Variants in CSMD1 observed in about 807,000 individuals in gnomAD.
CSMD1 encodes CUB and Sushi multiple domains 1.
A neutral mutation model predicts 417.5 loss-of-function variants in CSMD1; 213 were observed. That is an observed-to-expected ratio of 0.51 (90% confidence interval 0.46 to 0.57). The LOEUF (loss-of-function observed/expected upper bound fraction) is 0.57, where lower values mean the gene tolerates loss of function less well. Ranked by LOEUF, CSMD1 falls within the 20% of genes least tolerant of loss-of-function variation. The pLI is 0.00. For missense variants in CSMD1, 6,923 were observed against 4,529.7 expected (o/e 1.53, Z -15.17); for synonymous variants, 2,862 against 1,736.8 (o/e 1.65, Z -16.11).
At chr8:4,330,986 C>T (rs1799838996) in intron 3 of CSMD1, among the ~76,000 whole-genome samples, 1 of 152,114 alleles carries the variant, frequency 6.6e-6, no homozygotes, top group South Asian at 2.1e-4. Context: ...TATACAGCCG[C>T]CTTTGTGTTA....
chr8:3,532,478 T>C (rs888696046), intron 10 of CSMD1, among the ~76,000 whole-genome samples: 1 of 152,134 alleles, frequency 6.6e-6, no homozygotes, highest in East Asian at 1.9e-4. Flanking sequence ...CCTTGCCTGG[T>C]TTTTACCTCT....
intron 3 of CSMD1, among the ~76,000 whole-genome samples, chr8:4,240,654 C>G (rs1181247404): frequency 1.3e-5 from 2 of 152,240 alleles, no homozygotes; most frequent in East Asian, 1.9e-4. Context: ...AACAAGTACT[C>G]CCCTTATACA....
At chr8:3,384,732 T>TATTATATAAATATATATTTATATAC (rs1563333090) in intron 18 of CSMD1, among the ~76,000 whole-genome samples, 106 of 124,506 alleles carry the variant, frequency 8.5e-4, no homozygotes, top group African/African-American at 3.1e-3. Flanking sequence ...TATTTATATA[T>TATTATATAAATATATATTTATATAC]ATTATATAAA....
intron 7 of CSMD1, among the ~76,000 whole-genome samples, chr8:3,619,115 C>G (rs1423477408): frequency 6.7e-6 from 1 of 148,500 alleles, no homozygotes; most frequent in Non-Finnish European, 1.5e-5. Context: ...CAATAGAACA[C>G]ATATCTAAGG....
intron 5 of CSMD1, among the ~76,000 whole-genome samples, chr8:3,775,259 T>A (rs1246962638): frequency 1.3e-5 from 2 of 152,182 alleles, no homozygotes; most frequent in African/African-American, 4.8e-5. Flanking sequence ...ATGTTAAACA[T>A]TGGAAGATTT....
At chr8:4,218,796 C>G (rs910469522) in intron 3 of CSMD1, among the ~76,000 whole-genome samples, 9 of 152,170 alleles carry the variant, frequency 5.9e-5, no homozygotes, top group Admixed American at 5.2e-4. Context: ...ACAGACTTAA[C>G]TTCTGTTTTC....
intron 5 of CSMD1, among the ~76,000 whole-genome samples, chr8:3,893,158 C>G (rs974876463): frequency 6.6e-6 from 1 of 151,344 alleles, no homozygotes; most frequent in African/African-American, 2.4e-5. Context: ...GAGTCTTTAG[C>G]CAAAGCTGCA....
chr8:3,417,711 C>T (rs982193719), intron 12 of CSMD1, among the ~76,000 whole-genome samples: 1 of 151,938 alleles, frequency 6.6e-6, no homozygotes, highest in South Asian at 2.1e-4. Flanking sequence ...TGTGCCTGCT[C>T]TTAGATTCTC....
intron 1 of CSMD1, among the ~76,000 whole-genome samples, chr8:4,780,968 T>C (rs1030048445): frequency 6.6e-6 from 1 of 152,220 alleles, no homozygotes; most frequent in African/African-American, 2.4e-5. Flanking sequence ...CCTGTTTTTG[T>C]CACTATCTCT....
At chr8:3,998,178 C>A in intron 4 of CSMD1, 68 bp from the exon 5 acceptor site, 1 of 1,352,588 alleles carries the variant, frequency 7.4e-7, no homozygotes, top group Non-Finnish European at 1.0e-6. Flanking sequence ...GTGTGTCCAC[C>A]AAGTGTCACT....
At chr8:4,037,972 T>G (rs149154875) in intron 3 of CSMD1, among the ~76,000 whole-genome samples, 1 of 152,072 alleles carries the variant, frequency 6.6e-6, no homozygotes, top group Non-Finnish European at 1.5e-5. Flanking sequence ...TTAGAAACAA[T>G]GAATCAAAAA....
chr8:4,567,493 T>A (rs1415375276), intron 2 of CSMD1, among the ~76,000 whole-genome samples: 1 of 152,150 alleles, frequency 6.6e-6, no homozygotes, highest in East Asian at 1.9e-4. Context: ...ATGTACTACT[T>A]CTTCCCACTC....
At chr8:3,657,283 A>G (rs1201027415) in intron 7 of CSMD1, among the ~76,000 whole-genome samples, 1 of 152,208 alleles carries the variant, frequency 6.6e-6, no homozygotes, top group African/African-American at 2.4e-5. Context: ...ACAATCTGAA[A>G]AGAAAAACCA....
At chr8:4,157,642 G>C (rs982253255) in intron 3 of CSMD1, among the ~76,000 whole-genome samples, 3 of 152,178 alleles carry the variant, frequency 2.0e-5, no homozygotes, top group Non-Finnish European at 4.4e-5. Flanking sequence ...GAACAGCTCA[G>C]ACCTCTGTTA....
At position 4,927,658 on chromosome 8, in the gene CSMD1, C is replaced by T. The variant is rs148413498; in HGVS notation, c.85+66674G>A. ...GGGCATCTACATTGGTATAATTACTCAGGTAAGTGGTGATGACACTGTGAA... is the reference window on the plus strand; with the variant it reads ...GGGCATCTACATTGGTATAATTACTTAGGTAAGTGGTGATGACACTGTGAA... On this transcript the variant is annotated intron_variant, in intron 1 of 69. Coordinates refer to ENST00000635120, the MANE Select transcript of CSMD1 (RefSeq NM_033225.6). 8.2e-3 allele frequency among the ~76,000 whole-genome samples: 1,241 copies of T among 152,230 alleles called. 14 individuals are homozygous for T. Among genetic ancestry groups the T allele is most frequent in the African/African-American group, 0.028 (1,158 of 41,542 alleles).
chr8:4,463,316 C>T (rs528788576), intron 2 of CSMD1, among the ~76,000 whole-genome samples: 1 of 152,252 alleles, frequency 6.6e-6, no homozygotes, highest in East Asian at 1.9e-4. Context: ...ATGGGTGTTT[C>T]ACTTCCCTAT....
At chr8:4,192,324 G>A (rs540411623) in intron 3 of CSMD1, among the ~76,000 whole-genome samples, 18 of 152,280 alleles carry the variant, frequency 1.2e-4, no homozygotes, top group African/African-American at 4.1e-4. Flanking sequence ...GTCCCATCAA[G>A]CTTCAGGAGG....
chr8:4,056,601 T>C (rs1314349571), intron 3 of CSMD1, among the ~76,000 whole-genome samples: 2 of 151,870 alleles, frequency 1.3e-5, no homozygotes, highest in South Asian at 2.1e-4. Flanking sequence ...AAGTTACCTA[T>C]GTATACATGT....
At chr8:3,162,611 A>G (rs1171903500) in intron 37 of CSMD1, among the ~76,000 whole-genome samples, 1 of 152,014 alleles carries the variant, frequency 6.6e-6, no homozygotes, top group Non-Finnish European at 1.5e-5. Context: ...TGTTTTTATG[A>G]TATGTAAAAC....
Sources: gnomAD v4.1 joint callset for allele counts (sites outside exome capture counted in the v4.1 genomes callset) on GRCh38, gnomAD v4.1.1 for gene constraint, MANE v1.5 for transcripts, NCBI Gene and HGNC (gene_info 2026-07-23, HGNC 2026-07-21) for gene names.